Variants in NRIP1 observed in about 807,000 individuals in gnomAD.
NRIP1 encodes the protein nuclear receptor interacting protein 1.
A neutral mutation model predicts 75.0 loss-of-function variants in NRIP1; 28 were observed. The ratio of observed to expected loss-of-function variants is 0.37; its 90% CI spans 0.28 to 0.51. NRIP1 has a LOEUF of 0.51. Ranked by LOEUF, NRIP1 falls within the 20% of genes least tolerant of loss-of-function variation. NRIP1 has a pLI of 0.92. For missense variants in NRIP1, 1,435 were observed against 1,343.7 expected (o/e 1.07, Z -1.06); for synonymous variants, 526 against 487.6 (o/e 1.08, Z -1.04).
At chr21:14,973,827 C>A (rs1033971731) in intron 3 of NRIP1, among the ~76,000 whole-genome samples, 4 of 149,556 alleles carry the variant, frequency 2.7e-5, no homozygotes, top group African/African-American at 9.9e-5. Flanking sequence ...CAGGTGTGTG[C>A]CACCATGCAG....
intron 2 of NRIP1, among the ~76,000 whole-genome samples, chr21:15,032,037 C>T (rs2088713452): frequency 6.6e-6 from 1 of 152,196 alleles, no homozygotes; most frequent in Non-Finnish European, 1.5e-5. Context: ...CTCTGGAAGG[C>T]GCTTGGAGGA....
In NRIP1 at chr21:15,000,144, T is replaced by A. The variant is rs1035202952; in HGVS notation, c.-335+14200A>T. 3.3e-5 allele frequency among the ~76,000 whole-genome samples: 5 copies of A among 152,222 alleles called. No individual in the cohort carries two copies. In the East Asian group the frequency reaches 9.6e-4, roughly 29 times the overall value. ...TAAGACTCAGTCATTTGAACTACTC[T>A]GACTGGAAAACAATTCCATAAACAC... On this transcript the variant is annotated intron_variant, in intron 3 of 3. Coordinates refer to ENST00000318948, the MANE Select transcript of NRIP1 (RefSeq NM_003489.4).
chr21:14,977,683 C>A (rs2087111500), intron 3 of NRIP1, among the ~76,000 whole-genome samples: 1 of 151,950 alleles, frequency 6.6e-6, no homozygotes, highest in Non-Finnish European at 1.5e-5. Context: ...CCTGAAGTTT[C>A]ATTTCTTAAA....
At chr21:15,010,587 T>C (rs1344940810) in intron 3 of NRIP1, among the ~76,000 whole-genome samples, 1 of 152,244 alleles carries the variant, frequency 6.6e-6, no homozygotes, top group Non-Finnish European at 1.5e-5. Flanking sequence ...ATTGTATTAA[T>C]GTTTCCCATA....
At chr21:15,008,447 G>A (rs962445712) in intron 3 of NRIP1, among the ~76,000 whole-genome samples, 1 of 152,088 alleles carries the variant, frequency 6.6e-6, no homozygotes, top group Admixed American at 6.6e-5. Context: ...CTTGAAAGCC[G>A]GGGTAGGGGG....
Position 14,967,029 on chromosome 21 carries a change from A to T in NRIP1, c.1164T>A (p.Thr388=). The T allele has an allele frequency of 6.2e-7, 1 of 1,614,186 alleles. No individual in the cohort carries two copies. The highest frequency in any genetic ancestry group is 8.5e-7 in the Non-Finnish European group (1 of 1,180,020). ...SLLLHLLKSQ[T]IPKPMNGHSH... Reference sequence around the variant, plus strand: ...TGTGTCCATTCATTGGCTTAGGTATAGTCTGGCTTTTAAGAAGATGTAAAA... The same window carrying T: ...TGTGTCCATTCATTGGCTTAGGTATTGTCTGGCTTTTAAGAAGATGTAAAA... The change falls in exon 4 of 4, where the codon ACT becomes ACA. Residue 388 remains threonine (T), a synonymous_variant. Coordinates refer to ENST00000318948, the MANE Select transcript of NRIP1 (RefSeq NM_003489.4).
chr21:14,995,347 G>A (rs1221909445), intron 3 of NRIP1, among the ~76,000 whole-genome samples: 1 of 152,216 alleles, frequency 6.6e-6, no homozygotes, highest in Non-Finnish European at 1.5e-5. Context: ...GAAGATTACA[G>A]GCTGGACTGT....
intron 1 of NRIP1, among the ~76,000 whole-genome samples, chr21:15,047,779 C>G (rs2089117712): frequency 1.3e-5 from 2 of 152,198 alleles, no homozygotes; most frequent in Admixed American, 1.3e-4. Flanking sequence ...TGGAGTAGCA[C>G]TTTTAATGTC....
intron 2 of NRIP1, among the ~76,000 whole-genome samples, chr21:15,018,858 T>C (rs894179866): frequency 6.6e-6 from 1 of 152,120 alleles, no homozygotes; most frequent in Non-Finnish European, 1.5e-5. Context: ...ACTTCCAGTC[T>C]AGTGTTGAAA....
At chr21:15,040,364 T>G in intron 2 of NRIP1, among the ~76,000 whole-genome samples, 1 of 152,120 alleles carries the variant, frequency 6.6e-6, no homozygotes, top group East Asian at 1.9e-4. Context: ...TAAACTTACA[T>G]AATGTAGCTC....
At chr21:15,045,680 G>A (rs1461041292) in intron 1 of NRIP1, among the ~76,000 whole-genome samples, 1 of 152,130 alleles carries the variant, frequency 6.6e-6, no homozygotes, top group Non-Finnish European at 1.5e-5. Flanking sequence ...ATAATTCTCT[G>A]TAGCATGTAA....
chr21:15,040,582 G>C (rs1162282789), intron 2 of NRIP1, among the ~76,000 whole-genome samples: 1 of 151,974 alleles, frequency 6.6e-6, no homozygotes, highest in East Asian at 1.9e-4. Context: ...ATTCAAAGAG[G>C]TGTCCAAATA....
chr21:14,982,885 G>A (rs932100231), intron 3 of NRIP1, among the ~76,000 whole-genome samples: 2 of 151,888 alleles, frequency 1.3e-5, no homozygotes, highest in Non-Finnish European at 2.9e-5. Context: ...ACGGTGATGT[G>A]TGATCTTTGG....
At chr21:15,058,499 T>A (rs184390043) in intron 1 of NRIP1, among the ~76,000 whole-genome samples, 49 of 152,120 alleles carry the variant, frequency 3.2e-4, no homozygotes, top group African/African-American at 1.1e-3. Flanking sequence ...TTCAGGAATT[T>A]AAAAAAAATC....
chr21:15,056,854 A>T (rs1419776758), intron 1 of NRIP1, among the ~76,000 whole-genome samples: 1 of 152,158 alleles, frequency 6.6e-6, no homozygotes, highest in Admixed American at 6.6e-5. Context: ...AGGTTCAAAA[A>T]TTCCATAAAT....
rs529218043 is a variant in NRIP1 at position 15,012,328 on chromosome 21, A to G, written c.-335+2016T>C. 3.9e-4 allele frequency among the ~76,000 whole-genome samples: 60 copies of G among 152,280 alleles called. 1 individual carries two copies. Among genetic ancestry groups the G allele is most frequent in the African/African-American group, 1.4e-3 (60 of 41,556 alleles). On this transcript the variant is annotated intron_variant, in intron 3 of 3. Transcript: ENST00000318948. ...TTTTAGAAAAAACACATTTGACATA[A>G]TCATCTTTAAAATCTAAAAACGTTT...
upstream of NRIP1, among the ~76,000 whole-genome samples, chr21:15,065,338 G>A (rs1978797405): frequency 6.6e-6 from 1 of 151,750 alleles, no homozygotes; most frequent in Non-Finnish European, 1.5e-5. Flanking sequence ...CGCCCGGGCC[G>A]TCCCCCGGGC....
intron 1 of NRIP1, among the ~76,000 whole-genome samples, chr21:15,046,564 T>C (rs984294766): frequency 1.3e-5 from 2 of 152,174 alleles, no homozygotes; most frequent in Non-Finnish European, 2.9e-5. Context: ...GGCCAAACAT[T>C]GGTTTCCACT....
rs200186916 is a variant in NRIP1, at chr21:14,982,708, GTTTTT to G, written c.-334-14187_-334-14183del. 1.3e-4 allele frequency among the ~76,000 whole-genome samples: 11 copies of G among 85,674 alleles called. No homozygotes were observed. The Admixed American group carries it at 1.4e-3, about 11-fold the overall frequency. 56.2% of individuals were successfully genotyped at this position (85,674 alleles called of 152,430 possible). A position where few individuals can be genotyped will look rare whatever the true frequency, so the allele number is the denominator to read the frequency against. ...TGCCATTATTGTGGGGTTTTTTTTT[GTTTTT>G]TTTTTGTTTTTTTTTTTTACAATCT... On this transcript the variant is annotated intron_variant, in intron 3 of 3. Transcript: ENST00000318948.
Sources: allele counts gnomAD v4.1 joint callset (sites outside exome capture counted in the v4.1 genomes callset), GRCh38; gene constraint gnomAD v4.1.1; transcripts MANE v1.5; gene names NCBI Gene and HGNC (gene_info 2026-07-23, HGNC 2026-07-21).